The following NRG3 variants were observed in gnomAD, a reference collection of about 807,000 sequenced individuals.
NRG3 encodes the protein neuregulin 3.
NRG3 carries 31 observed loss-of-function variants against 66.9 expected under a neutral mutation model. The observed-to-expected ratio is 0.46, with a 90% CI of 0.35 to 0.63. The LOEUF is 0.63. NRG3 is among the 20% of genes least tolerant of loss of function. NRG3 has a pLI of 0.00. For missense variants in NRG3, 910 were observed against 878.9 expected (o/e 1.04, Z -0.45); for synonymous variants, 393 against 359.4 (o/e 1.09, Z -1.06).
intron 2 of NRG3, among the ~76,000 whole-genome samples, chr10:82,719,544 G>A (rs922316415): frequency 6.6e-6 from 1 of 152,168 alleles, no homozygotes; most frequent in South Asian, 2.1e-4. Context: ...TTGGCCAGTA[G>A]GAAGCACTAA....
chr10:82,354,008 A>G (rs1169689153), intron 1 of NRG3, among the ~76,000 whole-genome samples: 2 of 142,728 alleles, frequency 1.4e-5, no homozygotes, highest in Non-Finnish European at 3.1e-5. Context: ...TTTGTTCACT[A>G]TAACACTTTT....
At position 82,581,912 on chromosome 10, in the gene NRG3, G is replaced by A. The variant is rs139348687; in HGVS notation, c.954-156665G>A. On this transcript the variant is annotated intron_variant, in intron 2 of 8. Transcript: ENST00000372141. ...AATTTTTGTGAACAATGTAAGGTCC[G>A]TGTTTAGATACACTTTTTTTGCATA... 3.4e-5 allele frequency among the ~76,000 whole-genome samples: 5 copies of A among 146,504 alleles called. No homozygotes were observed. In the East Asian group the frequency reaches 8.3e-4, roughly 24 times the overall value.
chr10:82,665,922 C>T (rs527584232), intron 2 of NRG3, among the ~76,000 whole-genome samples: 96 of 152,188 alleles, frequency 6.3e-4, no homozygotes, highest in Non-Finnish European at 1.1e-3. Flanking sequence ...AGTACAGTGG[C>T]GCGATCTCGG....
intron 4 of NRG3, among the ~76,000 whole-genome samples, chr10:82,933,062 T>A (rs1847733713): frequency 6.6e-6 from 1 of 152,176 alleles, no homozygotes; most frequent in Admixed American, 6.5e-5. Context: ...GATTCTTAGC[T>A]AACTCACATA....
At chr10:82,964,032 G>A (rs1227436694) in intron 6 of NRG3, among the ~76,000 whole-genome samples, 2 of 152,072 alleles carry the variant, frequency 1.3e-5, no homozygotes, top group Non-Finnish European at 2.9e-5. Flanking sequence ...AATAGTTCTA[G>A]CCTAAACGCT....
At chr10:81,917,509 A>G (rs1845815638) in intron 1 of NRG3, among the ~76,000 whole-genome samples, 1 of 152,220 alleles carries the variant, frequency 6.6e-6, no homozygotes, top group Non-Finnish European at 1.5e-5. Flanking sequence ...GTCCCCTTCA[A>G]AATAAGAGAA....
At chr10:81,978,043 T>G (rs1451805028) in intron 1 of NRG3, among the ~76,000 whole-genome samples, 2 of 152,168 alleles carry the variant, frequency 1.3e-5, no homozygotes, top group African/African-American at 4.8e-5. Context: ...ACTTTAAATA[T>G]CCTCCTTCTA....
At chr10:82,381,516 CCAGA>C (rs2085616442) in intron 2 of NRG3, among the ~76,000 whole-genome samples, 1 of 152,092 alleles carries the variant, frequency 6.6e-6, no homozygotes, top group African/African-American at 2.4e-5. Flanking sequence ...CGATCAGCCT[CCAGA>C]GCTTAGATTC....
intron 2 of NRG3, among the ~76,000 whole-genome samples, chr10:82,435,084 T>C (rs185165386): frequency 8.9e-4 from 136 of 152,300 alleles, no homozygotes; most frequent in Admixed American, 2.6e-3. Context: ...TAGGCTTTTT[T>C]TCGTTGGTAG....
At chr10:82,873,510 C>T (rs890924584) in intron 4 of NRG3, among the ~76,000 whole-genome samples, 3 of 152,106 alleles carry the variant, frequency 2.0e-5, no homozygotes, top group Admixed American at 6.6e-5. Context: ...AGGCAGTTGG[C>T]CAAAGGGCAT....
intron 2 of NRG3, among the ~76,000 whole-genome samples, chr10:82,547,583 A>G (rs1451910918): frequency 6.6e-6 from 1 of 151,616 alleles, no homozygotes; most frequent in Non-Finnish European, 1.5e-5. Context: ...GTATATATAC[A>G]TTGATGTATA....
chr10:82,493,517 A>T (rs929843478), intron 2 of NRG3, among the ~76,000 whole-genome samples: 2 of 152,042 alleles, frequency 1.3e-5, no homozygotes, highest in African/African-American at 4.8e-5. Context: ...CATTTTCTTT[A>T]TCCAGTCTAT....
At chr10:82,809,939 A>T (rs1156283688) in intron 3 of NRG3, among the ~76,000 whole-genome samples, 1 of 147,654 alleles carries the variant, frequency 6.8e-6, no homozygotes, top group Non-Finnish European at 1.5e-5. Flanking sequence ...ATTTCTACAC[A>T]GGTTTTTTTT....
At chr10:82,242,444 G>T (rs2077047400) in intron 1 of NRG3, among the ~76,000 whole-genome samples, 1 of 152,130 alleles carries the variant, frequency 6.6e-6, no homozygotes, top group African/African-American at 2.4e-5. Context: ...AATGATATTT[G>T]CCCATCTGTT....
intron 2 of NRG3, among the ~76,000 whole-genome samples, chr10:82,651,390 T>C (rs2051403382): frequency 6.6e-6 from 1 of 152,246 alleles, no homozygotes; most frequent in African/African-American, 2.4e-5. Context: ...TGGGGACTTC[T>C]AACAAATATT....
At chr10:82,113,796 A>G (rs1353282626) in intron 1 of NRG3, among the ~76,000 whole-genome samples, 2 of 152,194 alleles carry the variant, frequency 1.3e-5, no homozygotes, top group African/African-American at 4.8e-5. Flanking sequence ...GTATATTTGC[A>G]ACTTTTCTGT....
intron 1 of NRG3, among the ~76,000 whole-genome samples, chr10:82,224,795 A>G (rs2076096202): frequency 6.6e-6 from 1 of 152,132 alleles, no homozygotes; most frequent in South Asian, 2.1e-4. Flanking sequence ...TTCAATAGCT[A>G]TTCATCATAA....
chr10:82,017,054 A>G (rs1334164058), intron 1 of NRG3, among the ~76,000 whole-genome samples: 2 of 152,134 alleles, frequency 1.3e-5, no homozygotes, highest in African/African-American at 2.4e-5. Context: ...AATTTACATT[A>G]GGTATATCTC....
At chr10:82,615,122 A>G (rs2048559208) in intron 2 of NRG3, among the ~76,000 whole-genome samples, 1 of 152,174 alleles carries the variant, frequency 6.6e-6, no homozygotes. Context: ...TACCTTCTTC[A>G]AATGCTTGTT....
Sources: allele counts gnomAD v4.1 joint callset (sites outside exome capture counted in the v4.1 genomes callset), GRCh38; gene constraint gnomAD v4.1.1; transcripts MANE v1.5; gene names NCBI Gene and HGNC (gene_info 2026-07-23, HGNC 2026-07-21).